Variants in EDA observed in about 807,000 individuals in gnomAD.
EDA encodes ectodysplasin A, also known as ectodysplasin-A.
EDA carries 2 observed loss-of-function variants against 23.6 expected under a neutral mutation model. The observed-to-expected ratio is 0.08, with a 90% confidence interval of 0.03 to 0.27. The LOEUF is 0.27. Ranked by LOEUF, EDA falls within the 10% of genes least tolerant of loss-of-function variation. The pLI is 1.00. For synonymous variants in EDA, 131 were observed against 132.0 expected, an observed-to-expected ratio of 0.99 and a Z score of 0.05; for missense variants, 229 against 324.2, an observed-to-expected ratio of 0.71 and a Z score of 2.26.
chrX:70,028,513 T>C (rs1361095026), intron 4 of EDA, among the ~76,000 whole-genome samples: 2 of 112,474 alleles, frequency 1.8e-5, no homozygotes, highest in South Asian at 3.7e-4. Context: ...TTTCATCTTG[T>C]GAAGTCTGAA....
At position 69,634,877 on chromosome X, in the gene EDA, G is replaced by A. The variant is rs1424670693; in HGVS notation, c.396+18173G>A. 7.1e-5 allele frequency among the ~76,000 whole-genome samples: 8 copies of A among 112,061 alleles called. No homozygotes were observed. The Admixed American group carries it at 7.5e-4, about 11-fold the overall frequency. On this transcript the variant is annotated intron_variant, in intron 1 of 7. Coordinates refer to ENST00000374552, the MANE Select transcript of EDA (RefSeq NM_001399.5). ...TGTCTAGTGACATCTCATAGCTGTT[G>A]TAACATTGTAGTACAATGCATTACC...
At chrX:69,834,690 A>C (rs1406846796) in intron 1 of EDA, among the ~76,000 whole-genome samples, 1 of 111,232 alleles carries the variant, frequency 9.0e-6, no homozygotes, top group African/African-American at 3.3e-5. Context: ...GTGTCTTTTA[A>C]CTGGGGCATT....
In EDA at chrX:69,785,920, T is replaced by C. The variant is rs764768536; in HGVS notation, c.396+169216T>C. Among the ~76,000 whole-genome samples the C allele has an allele frequency of 1.7e-4, 19 of 110,580 alleles. No homozygotes were observed. The Admixed American group carries it at 1.8e-3, about 11-fold the overall frequency. ...AGAATTCGGCTGTGAATCCATCTGGTCCTGGGCTCTTTTTGGTTGGTAAGC... is the reference window on the plus strand; with the variant it reads ...AGAATTCGGCTGTGAATCCATCTGGCCCTGGGCTCTTTTTGGTTGGTAAGC... On this transcript the variant is annotated intron_variant, in intron 1 of 7. Transcript: ENST00000374552.
At chrX:69,737,686 A>G (rs1170910046) in intron 1 of EDA, among the ~76,000 whole-genome samples, 1 of 112,383 alleles carries the variant, frequency 8.9e-6, no homozygotes, top group Non-Finnish European at 1.9e-5. Context: ...GTGTAAATCA[A>G]AGTTTGCTCT....
At chrX:69,913,630 T>A (rs2018300240) in intron 1 of EDA, among the ~76,000 whole-genome samples, 1 of 112,567 alleles carries the variant, frequency 8.9e-6, no homozygotes, top group African/African-American at 3.2e-5. Flanking sequence ...GTGTGTTCAT[T>A]GGAGTAGTGC....
chrX:69,991,460 A>C (rs1221249065), intron 2 of EDA, among the ~76,000 whole-genome samples: 1 of 110,592 alleles, frequency 9.0e-6, no homozygotes, highest in African/African-American at 3.3e-5. Context: ...GGTGTTACCT[A>C]TGGGAACAGA....
rs148429341 is a variant in EDA, at chrX:69,762,768, A to T, written c.396+146064A>T. On this transcript the variant is annotated intron_variant, in intron 1 of 7. Transcript: ENST00000374552. ...TCCCTTCACACTCGATTGAAGTATG[A>T]AATTAATAAAAGTAGATGTCATTGG... Among the ~76,000 whole-genome samples, 270 of 112,152 alleles carry T rather than the reference A, an allele frequency of 2.4e-3. 1 individual carries two copies. The highest frequency in any genetic ancestry group is 8.5e-3 in the African/African-American group (261 of 30,878).
rs986420710 is a variant in EDA, at chrX:70,019,661, C to T, written c.503-3557C>T. Among the ~76,000 whole-genome samples, 6 of 112,208 alleles carry T rather than the reference C, an allele frequency of 5.3e-5. No homozygotes were observed. In the Admixed American group the frequency reaches 5.7e-4, roughly 11 times the overall value. Reference sequence around the variant, plus strand: ...TGCAGGGACAGAAAACCAAATGCTACATCTTCTCACTTATAAGTGGGAGCT... The same window carrying T: ...TGCAGGGACAGAAAACCAAATGCTATATCTTCTCACTTATAAGTGGGAGCT... On this transcript the variant is annotated intron_variant, in intron 2 of 7. Coordinates refer to ENST00000374552, the MANE Select transcript of EDA (RefSeq NM_001399.5).
chrX:69,836,514 G>C (rs2016779168), intron 1 of EDA, among the ~76,000 whole-genome samples: 1 of 112,562 alleles, frequency 8.9e-6, no homozygotes, highest in Non-Finnish European at 1.9e-5. Context: ...AGTGAGCAAG[G>C]CTTTGTGGGT....
At chrX:70,018,909 A>G (rs2019992127) in intron 2 of EDA, among the ~76,000 whole-genome samples, 2 of 112,221 alleles carry the variant, frequency 1.8e-5, no homozygotes, top group South Asian at 7.3e-4. Context: ...TAAACAGACA[A>G]CCCAAAGAAT....
At chrX:69,711,862 C>T (rs1483482579) in intron 1 of EDA, among the ~76,000 whole-genome samples, 22 of 110,892 alleles carry the variant, frequency 2.0e-4, no homozygotes, top group Admixed American at 9.6e-5. Flanking sequence ...TTTTTTATTG[C>T]GTCTATTTGA....
intron 2 of EDA, among the ~76,000 whole-genome samples, chrX:70,009,547 A>ATTTG (rs1216686566): frequency 2.8e-5 from 3 of 106,678 alleles, no homozygotes; most frequent in Non-Finnish European, 3.9e-5. Context: ...AGAAGGGTGG[A>ATTTG]TTTGTTTGTT....
At chrX:70,015,725 G>A (rs1166057252) in intron 2 of EDA, among the ~76,000 whole-genome samples, 1 of 111,821 alleles carries the variant, frequency 8.9e-6, no homozygotes, top group African/African-American at 3.3e-5. Flanking sequence ...TAAGGGAGTG[G>A]TAAATATGGA....
At chrX:69,795,096 T>A (rs1396221964) in intron 1 of EDA, among the ~76,000 whole-genome samples, 1 of 111,960 alleles carries the variant, frequency 8.9e-6, no homozygotes, top group Non-Finnish European at 1.9e-5. Context: ...CAATCATAGC[T>A]CACTACAAAA....
At chrX:69,811,896 G>A (rs1051033829) in intron 1 of EDA, among the ~76,000 whole-genome samples, 6 of 111,537 alleles carry the variant, frequency 5.4e-5, no homozygotes, top group Admixed American at 9.5e-5. Flanking sequence ...TTTGAGGCTT[G>A]CACCATGGGA....
chrX:69,755,807 C>G (rs1055833231), intron 1 of EDA, among the ~76,000 whole-genome samples: 7 of 112,582 alleles, frequency 6.2e-5, no homozygotes, highest in Non-Finnish European at 1.1e-4. Context: ...GCAGTTCGAT[C>G]TCAGACTGCT....
intron 1 of EDA, among the ~76,000 whole-genome samples, chrX:69,765,535 G>A (rs2014444533): frequency 8.9e-6 from 1 of 111,806 alleles, no homozygotes; most frequent in Non-Finnish European, 1.9e-5. Flanking sequence ...TCATTGAATT[G>A]TACTTGTAGT....
chrX:69,973,940 A>G (rs1442590719), intron 2 of EDA, among the ~76,000 whole-genome samples: 1 of 110,961 alleles, frequency 9.0e-6, no homozygotes, highest in Non-Finnish European at 1.9e-5. Flanking sequence ...ATAAAGACAA[A>G]CCTAATTTAA....
At chrX:69,754,424 C>T (rs772305482) in intron 1 of EDA, among the ~76,000 whole-genome samples, 6 of 112,029 alleles carry the variant, frequency 5.4e-5, no homozygotes, top group South Asian at 3.7e-4. Flanking sequence ...GAGTTTCTGC[C>T]GAGAGATCAG....
Sources: allele counts gnomAD v4.1 joint callset (sites outside exome capture counted in the v4.1 genomes callset), GRCh38; gene constraint gnomAD v4.1.1; transcripts MANE v1.5; gene names NCBI Gene and HGNC (gene_info 2026-07-23, HGNC 2026-07-21).